The following MBNL2 variants were observed in gnomAD, a reference collection of about 807,000 sequenced individuals.
MBNL2 encodes the protein muscleblind like splicing regulator 2, also known as muscleblind-like protein 2.
MBNL2 carries 17 observed loss-of-function variants against 41.9 expected under a neutral mutation model. That is an observed-to-expected ratio of 0.41 (90% CI 0.28 to 0.61). The LOEUF is 0.61. Among genes scored for constraint, MBNL2 ranks in the 20% least tolerant of loss-of-function variants. MBNL2 has a pLI of 0.35. For synonymous variants in MBNL2, 195 were observed against 182.9 expected, an observed-to-expected ratio of 1.07 and a Z score of -0.53; for missense variants, 336 against 505.6, an observed-to-expected ratio of 0.66 and a Z score of 3.22.
the MBNL2 span, among the ~76,000 whole-genome samples, chr13:97,206,645 G>T: frequency 1.3e-5 from 2 of 152,140 alleles, no homozygotes; most frequent in Non-Finnish European, 2.9e-5. Flanking sequence ...CCCAGGCAAT[G>T]GCACATGCTA....
the MBNL2 span, among the ~76,000 whole-genome samples, chr13:97,159,319 C>T: frequency 6.6e-6 from 1 of 151,854 alleles, no homozygotes; most frequent in Non-Finnish European, 1.5e-5. Context: ...TTCCTGAATA[C>T]AGCACACTGA....
chr13:97,187,069 T>C, the MBNL2 span, among the ~76,000 whole-genome samples: 6 of 152,198 alleles, frequency 3.9e-5, no homozygotes, highest in East Asian at 1.9e-4. Flanking sequence ...TTCTGTCCTA[T>C]GGGGAATGAG....
upstream of MBNL2, chr13:97,221,351 A>C (rs1199421149): frequency 6.6e-6 from 1 of 151,434 alleles, no homozygotes; most frequent in African/African-American, 2.4e-5. Flanking sequence ...CAAGGCATAC[A>C]GAAATGCTGT....
chr13:97,350,161 G>A (rs1387093637), intron 5 of MBNL2, among the ~76,000 whole-genome samples: 3 of 152,192 alleles, frequency 2.0e-5, no homozygotes, highest in Admixed American at 6.5e-5. Context: ...GTTTCCCAGT[G>A]CATATAAAAG....
intron 2 of MBNL2, among the ~76,000 whole-genome samples, chr13:97,331,161 T>C (rs1300117537): frequency 6.6e-6 from 1 of 152,270 alleles, no homozygotes; most frequent in Non-Finnish European, 1.5e-5. Flanking sequence ...GAAACATTTA[T>C]CTTTCTTTTG....
the MBNL2 span, among the ~76,000 whole-genome samples, chr13:97,164,918 A>C: frequency 6.6e-6 from 1 of 152,104 alleles, no homozygotes; most frequent in African/African-American, 2.4e-5. Flanking sequence ...AGAAAAAGAA[A>C]ACAAGGCTGG....
rs1347599349 is a variant in MBNL2, at chr13:97,392,614, ATGT to A, written c.*1170_*1172del. On this transcript the variant is annotated 3_prime_UTR_variant, in exon 9 of 9. Coordinates refer to ENST00000679496, the MANE Select transcript of MBNL2 (RefSeq NM_001382683.1). ...CTATATATGGATGAAACATATTTTA[ATGT>A]TGTTTACTTTTTTAAATACTTGGTT... 1 of 152,398 alleles carries A rather than the reference ATGT, an allele frequency of 6.6e-6. No homozygotes were observed. The highest frequency in any genetic ancestry group is 2.4e-5 in the African/African-American group (1 of 41,424). 9.4% of individuals were successfully genotyped at this position (152,398 alleles called of 1,614,324 possible).
the MBNL2 span, among the ~76,000 whole-genome samples, chr13:97,167,137 C>T: frequency 7.9e-5 from 12 of 152,262 alleles, no homozygotes; most frequent in South Asian, 2.1e-3. Context: ...AATTAGGCAG[C>T]TGCTTGTCTA....
intron 1 of MBNL2, among the ~76,000 whole-genome samples, chr13:97,262,023 G>C (rs764744028): frequency 1.3e-5 from 2 of 152,202 alleles, no homozygotes; most frequent in Admixed American, 6.5e-5. Flanking sequence ...CGTGGGAAGG[G>C]TCAGGGGAGA....
chr13:97,344,667 AC>A (rs1490594808), intron 4 of MBNL2, among the ~76,000 whole-genome samples: 7 of 152,188 alleles, frequency 4.6e-5, no homozygotes, highest in African/African-American at 1.2e-4. Context: ...GATCCAGCCT[AC>A]CCTTGTCAAT....
chr13:97,187,440 G>T, the MBNL2 span, among the ~76,000 whole-genome samples: 5 of 151,348 alleles, frequency 3.3e-5, no homozygotes, highest in Non-Finnish European at 2.9e-5. Context: ...AAGCTAAAAG[G>T]TTCAAAAATA....
intron 5 of MBNL2, among the ~76,000 whole-genome samples, chr13:97,355,724 G>A (rs1185130854): frequency 6.6e-6 from 1 of 151,958 alleles, no homozygotes; most frequent in Admixed American, 6.6e-5. Context: ...CAAAATTATG[G>A]TTCAAAGTTA....
At chr13:97,324,831 G>A (rs2059787290) in intron 2 of MBNL2, among the ~76,000 whole-genome samples, 1 of 152,118 alleles carries the variant, frequency 6.6e-6, no homozygotes, top group Non-Finnish European at 1.5e-5. Context: ...GATGTTCGAG[G>A]GAAGGAAGCA....
At chr13:97,236,396 A>G (rs1348023738) in intron 1 of MBNL2, among the ~76,000 whole-genome samples, 3 of 151,802 alleles carry the variant, frequency 2.0e-5, no homozygotes, top group African/African-American at 4.8e-5. Context: ...GGTATCTGAA[A>G]GGTTGGAGGG....
chr13:97,154,792 AGGATGGAT>A, the MBNL2 span, among the ~76,000 whole-genome samples: 343 of 146,284 alleles, frequency 2.3e-3, 1 homozygote, highest in African/African-American at 4.2e-3. Flanking sequence ...AAATGGTATA[AGGATGGAT>A]GGATGGATGG....
chr13:97,332,304 A>G (rs2060498546), intron 2 of MBNL2, among the ~76,000 whole-genome samples: 1 of 152,212 alleles, frequency 6.6e-6, no homozygotes, highest in Non-Finnish European at 1.5e-5. Flanking sequence ...GGCTGTGGCT[A>G]TGTTTTGATC....
intron 1 of MBNL2, among the ~76,000 whole-genome samples, chr13:97,232,036 T>C (rs528358995): frequency 6.6e-6 from 1 of 152,346 alleles, no homozygotes; most frequent in East Asian, 1.9e-4. Context: ...AAGGGTTATA[T>C]GCCATTAACA....
At chr13:97,257,077 A>C (rs536532705) in intron 1 of MBNL2, among the ~76,000 whole-genome samples, 1 of 152,224 alleles carries the variant, frequency 6.6e-6, no homozygotes, top group African/African-American at 2.4e-5. Flanking sequence ...CCTTTTGGTG[A>C]TTGGAATATG....
the MBNL2 span, among the ~76,000 whole-genome samples, chr13:97,149,388 A>G: frequency 6.6e-6 from 1 of 152,212 alleles, no homozygotes; most frequent in Admixed American, 6.5e-5. Context: ...CAGGTTCACT[A>G]AGTCGTTCTC....
Sources: allele counts gnomAD v4.1 joint callset (sites outside exome capture counted in the v4.1 genomes callset), GRCh38; gene constraint gnomAD v4.1.1; transcripts MANE v1.5; gene names NCBI Gene and HGNC (gene_info 2026-07-23, HGNC 2026-07-21).